ANKH: variants seen among roughly 807,000 people sequenced by gnomAD.
ANKH encodes ANKH inorganic pyrophosphate transport regulator, also known as mineralization regulator ANKH.
ANKH carries 15 observed loss-of-function variants against 49.0 expected under a neutral mutation model. The ratio of observed to expected loss-of-function variants is 0.31; its 90% CI spans 0.20 to 0.47. The LOEUF (loss-of-function observed/expected upper bound fraction) is 0.47. Ranked by LOEUF, ANKH falls within the 20% of genes least tolerant of loss-of-function variation. The pLI is 1.00. For synonymous variants in ANKH, 273 were observed against 260.0 expected, an observed-to-expected ratio of 1.05 and a Z score of -0.48; for missense variants, 429 against 652.0, an observed-to-expected ratio of 0.66 and a Z score of 3.72.
chr5:14,797,485 G>C, intron 1 of ANKH: 1 of 1,611,302 alleles, frequency 6.2e-7, no homozygotes, highest in Non-Finnish European at 8.5e-7. Context: ...TTAAGTTTCA[G>C]ATTTCTCAGA....
chr5:14,821,237 C>T (rs1338975287), intron 1 of ANKH, among the ~76,000 whole-genome samples: 2 of 152,140 alleles, frequency 1.3e-5, no homozygotes, highest in African/African-American at 4.8e-5. Context: ...TATTACCAAT[C>T]CCTTGAGGGT....
chr5:14,868,628 T>C (rs1735726001), intron 1 of ANKH: 1 of 152,044 alleles, frequency 6.6e-6, no homozygotes, highest in African/African-American at 2.4e-5. Context: ...CAGGCTGGTC[T>C]CGAACTCCTG....
At chr5:14,805,695 G>T (rs1376346692) in intron 1 of ANKH, among the ~76,000 whole-genome samples, 3 of 151,692 alleles carry the variant, frequency 2.0e-5, no homozygotes, top group Non-Finnish European at 4.4e-5. Flanking sequence ...TTCCCTGTTA[G>T]ACAGTAGCTC....
chr5:14,833,389 T>C (rs1561075979), intron 1 of ANKH, among the ~76,000 whole-genome samples: 1 of 152,184 alleles, frequency 6.6e-6, no homozygotes, highest in South Asian at 2.1e-4. Flanking sequence ...TCGCTATTCA[T>C]GGGAATGGGT....
intron 4 of ANKH, 80 bp from the exon 5 acceptor site, chr5:14,751,319 A>AC: frequency 7.0e-7 from 1 of 1,424,170 alleles, no homozygotes; most frequent in East Asian, 2.3e-5. Flanking sequence ...ACGCTCTTGA[A>AC]CCTGAGACAG....
intron 1 of ANKH, among the ~76,000 whole-genome samples, chr5:14,815,638 G>A (rs1009624620): frequency 6.6e-5 from 10 of 152,028 alleles, no homozygotes; most frequent in African/African-American, 2.4e-4. Flanking sequence ...CAAAGTACTC[G>A]TTCGCCCCTA....
intron 1 of ANKH, among the ~76,000 whole-genome samples, chr5:14,804,339 C>T (rs76823856): frequency 0.02 from 3,046 of 152,296 alleles, 105 homozygotes; most frequent in African/African-American, 0.07. Flanking sequence ...AGCAGCCCTC[C>T]CACCACACCA....
intron 1 of ANKH, among the ~76,000 whole-genome samples, chr5:14,808,493 A>G (rs547100787): frequency 6.6e-6 from 1 of 152,318 alleles, no homozygotes; most frequent in Admixed American, 6.5e-5. Context: ...GGCCAGGTGC[A>G]GTGGCTCACA....
At chr5:14,771,149 G>A (rs1226197393) in intron 1 of ANKH, among the ~76,000 whole-genome samples, 1 of 152,220 alleles carries the variant, frequency 6.6e-6, no homozygotes, top group Admixed American at 6.5e-5. Flanking sequence ...GTGCTTGAAA[G>A]AGGAAAGACT....
intron 1 of ANKH, among the ~76,000 whole-genome samples, chr5:14,818,123 A>C (rs1741092983): frequency 6.7e-6 from 1 of 149,844 alleles, no homozygotes; most frequent in Non-Finnish European, 1.5e-5. Context: ...TTTGTCACTT[A>C]TCTCATTAGT....
At chr5:14,715,064 CG>C (rs1737393830) in intron 9 of ANKH, among the ~76,000 whole-genome samples, 1 of 152,228 alleles carries the variant, frequency 6.6e-6, no homozygotes, top group African/African-American at 2.4e-5. Flanking sequence ...CAGAAAGTGA[CG>C]CCGCAAGGCC....
intron 1 of ANKH, among the ~76,000 whole-genome samples, chr5:14,849,077 TAGTC>T (rs1456576788): frequency 4.6e-5 from 7 of 152,318 alleles, no homozygotes; most frequent in East Asian, 1.9e-4. Flanking sequence ...TAGGAATTCT[TAGTC>T]AGCCTAGGAA....
In ANKH at chr5:14,713,435, G is replaced by A. The variant is rs980212183; in HGVS notation, c.1265+109C>T. The A allele has an allele frequency of 7.6e-5, 112 of 1,464,808 alleles. No homozygotes were observed. The highest frequency in any genetic ancestry group is 1.7e-4 in the Middle Eastern group (1 of 5,790). The allele number at this position is 1,464,808 out of a possible 1,614,324, so 90.7% of individuals were successfully genotyped here. On this transcript the variant is annotated intron_variant, in intron 10 of 11. Coordinates refer to ENST00000284268, the MANE Select transcript of ANKH (RefSeq NM_054027.6). The surrounding 1 kb of genome is among the most constrained non-coding windows in gnomAD (Gnocchi z 4.4). ...ACACAAAACATCATTCTGAATTTCC[G>A]ATTCTAGACGTGCCTGGGGATTTCC...
intron 1 of ANKH, among the ~76,000 whole-genome samples, chr5:14,819,693 C>G (rs1003406504): frequency 6.6e-6 from 1 of 152,018 alleles, no homozygotes; most frequent in African/African-American, 2.4e-5. Context: ...AGGCAAAACC[C>G]CGTCTCTACC....
chr5:14,781,102 G>T (rs1739792196), intron 1 of ANKH, among the ~76,000 whole-genome samples: 1 of 152,202 alleles, frequency 6.6e-6, no homozygotes, highest in African/African-American at 2.4e-5. Flanking sequence ...CACTGTTATT[G>T]TTCTGTTGGT....
chr5:14,843,668 G>A (rs1384078355), intron 1 of ANKH, among the ~76,000 whole-genome samples: 2 of 151,854 alleles, frequency 1.3e-5, no homozygotes, highest in African/African-American at 4.8e-5. Context: ...AGCAAGAAGG[G>A]AGAAGACTCA....
intron 1 of ANKH, among the ~76,000 whole-genome samples, chr5:14,805,377 T>C (rs751866632): frequency 4.4e-5 from 5 of 114,610 alleles, no homozygotes; most frequent in Non-Finnish European, 7.1e-5. Context: ...CCTATATATA[T>C]GTGTGTATGT....
chr5:14,748,827 G>C (rs1366011100), intron 6 of ANKH, among the ~76,000 whole-genome samples: 1 of 152,260 alleles, frequency 6.6e-6, no homozygotes, highest in Non-Finnish European at 1.5e-5. Flanking sequence ...TGATTCCGTG[G>C]ACATGGAAAA....
intron 1 of ANKH, among the ~76,000 whole-genome samples, chr5:14,804,603 CTGT>C (rs1445666964): frequency 6.6e-6 from 1 of 152,158 alleles, no homozygotes; most frequent in Non-Finnish European, 1.5e-5. Context: ...GGACTGAAAA[CTGT>C]TGTTGGAGTC....
Sources: gnomAD v4.1 joint callset for allele counts (sites outside exome capture counted in the v4.1 genomes callset) on GRCh38, gnomAD v4.1.1 for gene constraint, Gnocchi (gnomAD v3.1) non-coding constraint, MANE v1.5 for transcripts, NCBI Gene and HGNC (gene_info 2026-07-23, HGNC 2026-07-21) for gene names.